Variants in UBE2U observed in about 807,000 individuals in gnomAD.
The protein encoded by UBE2U is ubiquitin conjugating enzyme E2 U.
UBE2U carries 39 observed loss-of-function variants against 41.2 expected under a neutral mutation model. The ratio of observed to expected loss-of-function variants is 0.95; its 90% CI spans 0.73 to 1.24. UBE2U has a LOEUF of 1.24. UBE2U is among the 50% of genes most tolerant of loss of function. The pLI is 0.00. For missense variants in UBE2U, 336 were observed against 363.1 expected, an observed-to-expected ratio of 0.93 and a Z score of 0.61; for synonymous variants, 107 against 117.8, an observed-to-expected ratio of 0.91 and a Z score of 0.60.
At chr1:64,248,953 G>A (rs1394218766) in intron 8 of UBE2U, among the ~76,000 whole-genome samples, 1 of 152,032 alleles carries the variant, frequency 6.6e-6, no homozygotes, top group African/African-American at 2.4e-5. Context: ...GCCATATTAG[G>A]TATCAAACTG....
intron 6 of UBE2U, among the ~76,000 whole-genome samples, chr1:64,222,091 C>CAAAAA (rs10632119): frequency 0.018 from 1,749 of 97,934 alleles, 52 homozygotes; most frequent in African/African-American, 0.044. Flanking sequence ...GACTCCATCT[C>CAAAAA]AAAAAAAAAA....
chr1:64,228,305 G>A (rs1557719050), intron 6 of UBE2U, among the ~76,000 whole-genome samples: 1 of 152,204 alleles, frequency 6.6e-6, no homozygotes, highest in Non-Finnish European at 1.5e-5. Flanking sequence ...TCCCATCAGA[G>A]TGTATGGTAT....
intron 6 of UBE2U, among the ~76,000 whole-genome samples, chr1:64,225,882 A>G (rs1652832630): frequency 6.6e-6 from 1 of 152,240 alleles, no homozygotes; most frequent in Non-Finnish European, 1.5e-5. Context: ...ATATGGAGTA[A>G]TTGGAGCTTT....
At chr1:64,242,951 T>C (rs993979153) in intron 8 of UBE2U, among the ~76,000 whole-genome samples, 8 of 152,174 alleles carry the variant, frequency 5.3e-5, no homozygotes, top group African/African-American at 1.9e-4. Context: ...ATTTGTTTGA[T>C]CATCGATTCA....
intron 6 of UBE2U, among the ~76,000 whole-genome samples, chr1:64,223,895 T>C (rs544270884): frequency 6.6e-6 from 1 of 152,142 alleles, no homozygotes; most frequent in Non-Finnish European, 1.5e-5. Context: ...AGGACATCTT[T>C]CCAACAGCCT....
chr1:64,239,084 G>GAAGAAGAAGAAGAAGAAGAAGAAGA (rs1557729519), intron 7 of UBE2U, among the ~76,000 whole-genome samples: 1 of 58,810 alleles, frequency 1.7e-5, no homozygotes, highest in Non-Finnish European at 3.3e-5. Context: ...GGAAGAGGAA[G>GAAGAAGAAGAAGAAGAAGAAGAAGA]AGGAAGAGGA....
intron 6 of UBE2U, among the ~76,000 whole-genome samples, chr1:64,226,809 C>T (rs1289050076): frequency 6.6e-6 from 1 of 151,424 alleles, no homozygotes; most frequent in African/African-American, 2.4e-5. Context: ...AACCTCCAAA[C>T]TCAGATTCTA....
At position 64,260,627 on chromosome 1, in the gene UBE2U, T is replaced by G; in HGVS notation, c.702T>G (p.Leu234=). 2 of 1,549,362 alleles carry G rather than the reference T, an allele frequency of 1.3e-6. No individual in the cohort carries two copies. The highest frequency in any genetic ancestry group is 1.7e-6 in the Non-Finnish European group (2 of 1,146,624). The change falls in exon 9 of 10, where the codon CTT becomes CTG. Residue 234 remains leucine (L), a synonymous_variant. Coordinates refer to ENST00000371077, the MANE Select transcript of UBE2U (RefSeq NM_001366232.2). The stretch of plus-strand genomic sequence containing the variant: ...GGTATTCCGTTATCAAGTGTTGGCT[T>G]GCTAGAAAAAGAATGCCTCATGAAG... ...NLKYSVIKCW[L]ARKRMPHEVT...
intron 7 of UBE2U, among the ~76,000 whole-genome samples, chr1:64,233,011 C>CTT (rs749876501): frequency 1.1e-4 from 15 of 139,838 alleles, no homozygotes; most frequent in African/African-American, 3.7e-4. Flanking sequence ...TTTATTTTTA[C>CTT]TTTTTTTTTT....
chr1:64,225,639 T>A (rs962743506), intron 6 of UBE2U, among the ~76,000 whole-genome samples: 7 of 152,208 alleles, frequency 4.6e-5, no homozygotes, highest in Non-Finnish European at 8.8e-5. Flanking sequence ...CAATGGTGGT[T>A]CGGTCAAGGG....
intron 8 of UBE2U, among the ~76,000 whole-genome samples, chr1:64,254,143 C>G (rs192527744): frequency 6.6e-6 from 1 of 152,158 alleles, no homozygotes; most frequent in East Asian, 1.9e-4. Context: ...TTTAAACCAA[C>G]AAAGATCAAA....
intron 7 of UBE2U, among the ~76,000 whole-genome samples, chr1:64,234,916 T>C (rs539904373): frequency 6.6e-6 from 1 of 152,240 alleles, no homozygotes; most frequent in African/African-American, 2.4e-5. Context: ...TGGCACACTC[T>C]AGGGAACCAC....
chr1:64,223,618 G>A (rs1652646300), intron 6 of UBE2U, among the ~76,000 whole-genome samples: 1 of 152,094 alleles, frequency 6.6e-6, no homozygotes, highest in African/African-American at 2.4e-5. Context: ...ATTTTATTGG[G>A]CCATGACTGT....
chr1:64,258,478 C>A (rs1645130947), intron 8 of UBE2U, among the ~76,000 whole-genome samples: 1 of 151,978 alleles, frequency 6.6e-6, no homozygotes, highest in South Asian at 2.1e-4. Flanking sequence ...CCCATCCCCC[C>A]ACCCCAAGAC....
At chr1:64,238,205 G>A (rs1644704987) in intron 7 of UBE2U, among the ~76,000 whole-genome samples, 1 of 152,112 alleles carries the variant, frequency 6.6e-6, no homozygotes, top group Non-Finnish European at 1.5e-5. Context: ...AGGAGTTTGA[G>A]ACCAGCCTGG....
chr1:64,242,192 G>A (rs1644846724), intron 8 of UBE2U, among the ~76,000 whole-genome samples: 1 of 152,098 alleles, frequency 6.6e-6, no homozygotes, highest in African/African-American at 2.4e-5. Context: ...AATGAAGAAG[G>A]ATATAGTAAA....
intron 7 of UBE2U, among the ~76,000 whole-genome samples, chr1:64,239,919 G>C (rs1313118987): frequency 1.3e-5 from 2 of 152,226 alleles, no homozygotes; most frequent in East Asian, 3.9e-4. Flanking sequence ...GGTATTTCTA[G>C]TTCTAGACCC....
chr1:64,266,864 A>G (rs921335486), intron 9 of UBE2U, 160 bp from the exon 10 acceptor site: 2 of 641,930 alleles, frequency 3.1e-6, no homozygotes, highest in African/African-American at 3.8e-5. Context: ...TGACAAATAA[A>G]GTTACTTACA....
Position 64,232,598 on chromosome 1 carries a change from AC to A in UBE2U, c.545del (p.Thr182AsnfsTer5). On this transcript the variant is annotated frameshift_variant, in exon 7 of 10. Coordinates refer to ENST00000371077, the MANE Select transcript of UBE2U (RefSeq NM_001366232.2). LOFTEE classifies it high-confidence loss of function. ...AACCTCATTTAGTGATTACTACCAG[AC>A]ATGGTCCAGAATAGCTACATCAAAA... ...KTTSFSDYYQ[T>X]WSRIATSKAT... The A allele has an allele frequency of 6.2e-7, 1 of 1,613,606 alleles. No homozygotes were observed. The highest frequency in any genetic ancestry group is 1.3e-5 in the African/African-American group (1 of 75,030).
Sources: allele counts gnomAD v4.1 joint callset (sites outside exome capture counted in the v4.1 genomes callset), GRCh38; gene constraint gnomAD v4.1.1; transcripts MANE v1.5; gene names NCBI Gene and HGNC (gene_info 2026-07-23, HGNC 2026-07-21).